ASPRV1: variants seen among roughly 807,000 people sequenced by gnomAD.
ASPRV1 encodes aspartic peptidase retroviral like 1, also known as retroviral-like aspartic protease 1.
In ASPRV1, 7 loss-of-function variants were observed where a neutral mutation model predicts 11.0. The observed-to-expected ratio is 0.64, with a 90% CI of 0.36 to 1.20. The LOEUF is 1.20. Among genes scored for constraint, ASPRV1 ranks in the 50% most tolerant of loss-of-function variants. The pLI, the probability that ASPRV1 is intolerant of heterozygous loss-of-function variation, is 0.02. For missense variants in ASPRV1, 299 were observed against 320.0 expected (o/e 0.93, Z 0.50); for synonymous variants, 136 against 138.4 (o/e 0.98, Z 0.12).
chr2:69,987,472 G>A, the ASPRV1 span, among the ~76,000 whole-genome samples: 1 of 151,686 alleles, frequency 6.6e-6, no homozygotes, highest in South Asian at 2.1e-4. Flanking sequence ...TCAGTTCGGG[G>A]TGGTGGCTCA....
chr2:70,047,229 C>A, the ASPRV1 span, among the ~76,000 whole-genome samples: 1 of 152,170 alleles, frequency 6.6e-6, no homozygotes, highest in African/African-American at 2.4e-5. Context: ...AGAACAGGAT[C>A]TAAAGCCAAA....
At chr2:70,020,131 TAG>T in the ASPRV1 span, among the ~76,000 whole-genome samples, 11 of 152,296 alleles carry the variant, frequency 7.2e-5, no homozygotes, top group South Asian at 8.3e-4. Context: ...ACCCCTCATG[TAG>T]AGTTACTGGG....
the ASPRV1 span, chr2:70,050,478 A>G: frequency 2.6e-5 from 4 of 152,168 alleles, no homozygotes; most frequent in Non-Finnish European, 5.9e-5. Context: ...ACATTGGTCT[A>G]GTAGCAGAAA....
the ASPRV1 span, among the ~76,000 whole-genome samples, chr2:69,992,568 T>A: frequency 9.8e-5 from 15 of 152,358 alleles, no homozygotes; most frequent in East Asian, 2.5e-3. Flanking sequence ...TGCTTATGCC[T>A]GGCAGGTTTT....
the ASPRV1 span, among the ~76,000 whole-genome samples, chr2:70,040,660 T>G: frequency 1.3e-5 from 2 of 152,048 alleles, no homozygotes; most frequent in Non-Finnish European, 2.9e-5. Flanking sequence ...ATGGTGAAAC[T>G]TCGTCTTTAC....
chr2:70,008,587 C>T, the ASPRV1 span, among the ~76,000 whole-genome samples: 4 of 152,006 alleles, frequency 2.6e-5, no homozygotes, highest in Non-Finnish European at 4.4e-5. Context: ...TGAATGTGGC[C>T]CAATGCAAAT....
chr2:70,042,397 G>A, the ASPRV1 span, among the ~76,000 whole-genome samples: 1 of 152,152 alleles, frequency 6.6e-6, no homozygotes, highest in African/African-American at 2.4e-5. Flanking sequence ...GCAAGAAAAG[G>A]CTCTAGTATC....
chr2:70,054,354 G>A, the ASPRV1 span, among the ~76,000 whole-genome samples: 213 of 151,502 alleles, frequency 1.4e-3, no homozygotes, highest in Non-Finnish European at 2.5e-3. Flanking sequence ...TTGGGAGGCC[G>A]AGGCGGGTGG....
At chr2:70,087,138 A>G in the ASPRV1 span, 6 of 151,648 alleles carry the variant, frequency 4.0e-5, no homozygotes, top group Non-Finnish European at 7.4e-5. Context: ...GGGGCTGCCC[A>G]TGTCGTTCCG....
chr2:70,087,199 C>T, the ASPRV1 span: 1 of 152,190 alleles, frequency 6.6e-6, no homozygotes, highest in East Asian at 1.9e-4. Flanking sequence ...CCCGCATACA[C>T]AGCACTAGTA....
the ASPRV1 span, chr2:69,976,340 G>C: frequency 6.6e-6 from 1 of 152,432 alleles, no homozygotes; most frequent in Admixed American, 6.5e-5. Context: ...CCTCCAATCC[G>C]ATCTGGGGCA....
rs535322587 is a variant in ASPRV1, at chr2:69,961,535, G to A, written c.-99C>T. ...ATCACGCTGGAAAACGGGGCCTCTC[G>A]AAGCAGAGTGGGGATGACTTGCCCG... On this transcript the variant is annotated 5_prime_UTR_variant, in exon 1 of 1. Transcript: ENST00000320256. 20 of 1,614,154 alleles carry A rather than the reference G, an allele frequency of 1.2e-5. No individual in the cohort carries two copies. Among genetic ancestry groups the A allele is most frequent in the South Asian group, 2.2e-5 (2 of 91,090 alleles).
chr2:69,989,300 C>T, the ASPRV1 span, among the ~76,000 whole-genome samples: 1 of 152,240 alleles, frequency 6.6e-6, no homozygotes, highest in African/African-American at 2.4e-5. Flanking sequence ...CCTGGCTGGG[C>T]CTTTTATAAG....
chr2:69,975,530 C>A, the ASPRV1 span: 1 of 152,212 alleles, frequency 6.6e-6, no homozygotes. Context: ...TTGAATTTGC[C>A]AAGAGACTTT....
the ASPRV1 span, chr2:69,940,683 A>G: frequency 1.3e-5 from 2 of 152,664 alleles, no homozygotes; most frequent in African/African-American, 2.4e-5. Flanking sequence ...TTGATTGCAT[A>G]TAAATGTGGA....
chr2:69,962,009 G>C (rs77274135), upstream of ASPRV1: 5 of 301,122 alleles, frequency 1.7e-5, no homozygotes, highest in African/African-American at 1.1e-4. Flanking sequence ...TCCCCAACAA[G>C]TGACTACTTT....
the ASPRV1 span, among the ~76,000 whole-genome samples, chr2:69,979,040 GTTT>G: frequency 6.6e-5 from 10 of 152,032 alleles, no homozygotes; most frequent in African/African-American, 2.2e-4. Context: ...TTTTTTGTTT[GTTT>G]TTGTTTTTTT....
the ASPRV1 span, among the ~76,000 whole-genome samples, chr2:69,990,893 C>T: frequency 6.6e-6 from 1 of 152,154 alleles, no homozygotes; most frequent in African/African-American, 2.4e-5. Context: ...CCTCTAAGAT[C>T]CCTTCTGAGG....
chr2:70,040,734 T>G, the ASPRV1 span, among the ~76,000 whole-genome samples: 1 of 152,030 alleles, frequency 6.6e-6, no homozygotes, highest in African/African-American at 2.4e-5. Flanking sequence ...CTCGGGAGGC[T>G]GAGGCAGGAG....
Sources: allele counts gnomAD v4.1 joint callset (sites outside exome capture counted in the v4.1 genomes callset), GRCh38; gene constraint gnomAD v4.1.1; transcripts MANE v1.5; gene names NCBI Gene and HGNC (gene_info 2026-07-23, HGNC 2026-07-21).